The following USO1 variants were observed in gnomAD, a reference collection of about 807,000 sequenced individuals.
The protein encoded by USO1 is USO1 vesicle transport factor.
Under a neutral mutation model 124.5 loss-of-function variants are expected in USO1, and 57 were observed. The ratio of observed to expected loss-of-function variants is 0.46; its 90% CI spans 0.37 to 0.57. The LOEUF (loss-of-function observed/expected upper bound fraction) is 0.57. Among genes scored for constraint, USO1 ranks in the 20% least tolerant of loss-of-function variants. The probability of loss-of-function intolerance (pLI) is 0.00; values close to 1 mark genes in which losing one functional copy is unlikely to be tolerated. For synonymous variants in USO1, 369 were observed against 362.8 expected (o/e 1.02, Z -0.19); for missense variants, 900 against 1,040.6 (o/e 0.86, Z 1.86).
At chr4:75,728,257 G>A (rs1038656186) in intron 1 of USO1, among the ~76,000 whole-genome samples, 1 of 151,466 alleles carries the variant, frequency 6.6e-6, no homozygotes, top group East Asian at 1.9e-4. Flanking sequence ...TCTTTTAAAT[G>A]TGTGAGAGTT....
At chr4:75,728,652 A>C (rs1720535054) in intron 1 of USO1, among the ~76,000 whole-genome samples, 1 of 152,232 alleles carries the variant, frequency 6.6e-6, no homozygotes, top group Admixed American at 6.5e-5. Flanking sequence ...GACTGTCTCA[A>C]AAAGAAAGAT....
intron 9 of USO1, among the ~76,000 whole-genome samples, chr4:75,785,712 A>G (rs1722343416): frequency 1.3e-5 from 2 of 152,096 alleles, no homozygotes; most frequent in Non-Finnish European, 2.9e-5. Context: ...CTATTAGAGG[A>G]TAGTAGAAAA....
rs765348558 is a variant in USO1, at chr4:75,800,465, A to G, written c.1678A>G (p.Met560Val). The G allele has an allele frequency of 1.3e-6, 2 of 1,589,028 alleles. No individual in the cohort carries two copies. The highest frequency in any genetic ancestry group is 2.7e-5 in the African/African-American group (2 of 74,224). The part of the protein sequence containing the change: ...YFNDNSLESY[M>V]KEKLKQLIEK... Reference sequence around the variant, plus strand: ...CAATGATAACTCACTTGAGAGCTACATGAAGTAAGTAAGGGGAAGATGGTT... The same window carrying G: ...CAATGATAACTCACTTGAGAGCTACGTGAAGTAAGTAAGGGGAAGATGGTT... The change falls in exon 15 of 24, where the codon ATG becomes GTG. Residue 560 changes from methionine (M) to valine (V), a missense_variant. Around this residue, in one of 2 missense-constraint regions of USO1, gnomAD observed 538 missense variants for 681.6 expected, o/e 0.79. Transcript: ENST00000514213.
At chr4:75,799,473 CTT>C (rs1722779776) in intron 13 of USO1, 147 bp from the exon 14 acceptor site, 2 of 831,366 alleles carry the variant, frequency 2.4e-6, no homozygotes, top group Non-Finnish European at 3.6e-6. Flanking sequence ...AATTTATTCT[CTT>C]GTTTAGTTTT....
chr4:75,812,268 G>A lies in USO1; in HGVS notation c.2692G>A (p.Glu898Lys). The A allele has an allele frequency of 1.2e-6, 2 of 1,608,574 alleles. No individual in the cohort carries two copies. Among genetic ancestry groups the A allele is most frequent in the Non-Finnish European group, 1.7e-6 (2 of 1,177,362 alleles). Residue 898 changes from glutamate to lysine, a missense_variant, in exon 23 of 24, where the codon GAA (glutamate) becomes AAA (lysine). This residue lies in a region of USO1 where 362 missense variants were observed against 359.0 expected (regional missense o/e 1.01). Coordinates refer to ENST00000514213, the MANE Select transcript of USO1 (RefSeq NM_003715.4). Reference sequence around the variant, plus strand: ...AACTGAGAAAGACAAACTAGAGTTGGAAATTACAGATTCTAAAAAAGAACA... The same window carrying A: ...AACTGAGAAAGACAAACTAGAGTTGAAAATTACAGATTCTAAAAAAGAACA... Reference protein sequence around the residue: ...LQTEKDKLELEITDSKKEQDD... With the variant: ...LQTEKDKLELKITDSKKEQDD...
At chr4:75,788,180 T>TATTTATTTATTTA (rs747618322) in intron 10 of USO1, among the ~76,000 whole-genome samples, 2 of 148,046 alleles carry the variant, frequency 1.4e-5, no homozygotes, top group African/African-American at 4.9e-5. Flanking sequence ...TATTTTTTTT[T>TATTTATTTATTTA]TTTTTTGTAC....
chr4:75,788,266 C>A (rs1460101678), intron 10 of USO1, among the ~76,000 whole-genome samples: 1 of 148,344 alleles, frequency 6.7e-6, no homozygotes, highest in African/African-American at 2.5e-5. Context: ...CTTCCGGGTT[C>A]GAGCAATTCT....
intron 10 of USO1, among the ~76,000 whole-genome samples, chr4:75,788,734 G>A (rs1234593246): frequency 6.6e-6 from 1 of 151,682 alleles, no homozygotes; most frequent in Admixed American, 6.6e-5. Context: ...AGTAGAGACG[G>A]GGTTCCACCA....
Position 75,800,733 on chromosome 4 carries a change from A to G in USO1, c.1798A>G (p.Asn600Asp), listed in dbSNP as rs1288991723. 1.2e-6 allele frequency: 2 copies of G among 1,612,746 alleles called. No individual in the cohort carries two copies. The highest frequency in any genetic ancestry group is 2.7e-5 in the African/African-American group (2 of 74,894). The change falls in exon 16 of 24, where the codon AAC becomes GAC. Residue 600 changes from asparagine to aspartate, a missense_variant. By Grantham distance (23) the Asn-to-Asp change is conservative. Transcript: ENST00000514213. ...CAGAGCATCTCAGAAACCCCAGCCA[A>G]ACTTTCCCAGTCCAGAATACATGAT... ...YSRASQKPQP[N>D]FPSPEYMIFD...
At chr4:75,753,123 C>CT (rs1721336211) in intron 3 of USO1, among the ~76,000 whole-genome samples, 4 of 151,988 alleles carry the variant, frequency 2.6e-5, no homozygotes, top group Non-Finnish European at 5.9e-5. Context: ...ATGAGCCTGT[C>CT]GTAAGAGAAA....
At chr4:75,737,120 T>C (rs1720814695) in intron 1 of USO1, among the ~76,000 whole-genome samples, 1 of 152,306 alleles carries the variant, frequency 6.6e-6, no homozygotes, top group East Asian at 1.9e-4. Flanking sequence ...TTTAATGTAG[T>C]GGGAAAGCAC....
intron 19 of USO1, among the ~76,000 whole-genome samples, chr4:75,806,025 C>T (rs1042555554): frequency 6.6e-6 from 1 of 152,024 alleles, no homozygotes; most frequent in Non-Finnish European, 1.5e-5. Flanking sequence ...GAGTCTCGCT[C>T]TGTTAGCCCA....
At position 75,796,456 on chromosome 4, in the gene USO1, C is replaced by T. The variant is rs528029291; in HGVS notation, c.1452+2555C>T. The stretch of plus-strand genomic sequence containing the variant: ...GTTCAAGCGATTCTCCTGCCTCAGC[C>T]TCCTGAGTAGCTGGGATTACAGGTG... On this transcript the variant is annotated intron_variant, in intron 13 of 23. Coordinates refer to ENST00000514213, the MANE Select transcript of USO1 (RefSeq NM_003715.4). 1.5e-3 allele frequency among the ~76,000 whole-genome samples: 232 copies of T among 151,874 alleles called. 1 individual carries two copies. The highest frequency in any genetic ancestry group is 0.01 in the Middle Eastern group (3 of 294).
intron 4 of USO1, chr4:75,760,541 C>G: frequency 2.5e-6 from 1 of 395,956 alleles, no homozygotes; most frequent in Non-Finnish European, 4.5e-6. Context: ...CATTAAAAAA[C>G]TATTGTCTTT....
chr4:75,748,211 CTT>C (rs71208096), intron 1 of USO1, among the ~76,000 whole-genome samples: 34 of 124,110 alleles, frequency 2.7e-4, no homozygotes, highest in Admixed American at 3.5e-4. Context: ...GCTGGTATTT[CTT>C]TTTTTTTTTT....
intron 4 of USO1, 57 bp from the exon 5 acceptor site, chr4:75,770,382 G>A: frequency 6.9e-7 from 1 of 1,445,936 alleles, no homozygotes; most frequent in Non-Finnish European, 9.2e-7. Flanking sequence ...TTCAATGAAA[G>A]GATATTTTAA....
intron 17 of USO1, among the ~76,000 whole-genome samples, chr4:75,803,424 G>A (rs1413860584): frequency 1.3e-5 from 2 of 151,900 alleles, no homozygotes; most frequent in Non-Finnish European, 2.9e-5. Flanking sequence ...GAGACCGGTG[G>A]ATCACCTGAG....
intron 10 of USO1, among the ~76,000 whole-genome samples, chr4:75,789,128 G>C (rs942817246): frequency 1.3e-5 from 2 of 151,832 alleles, no homozygotes; most frequent in African/African-American, 4.8e-5. Flanking sequence ...GAAATTTACT[G>C]ATGATGTGCT....
intron 4 of USO1, among the ~76,000 whole-genome samples, chr4:75,759,072 TA>T (rs1216298659): frequency 6.6e-6 from 1 of 151,562 alleles, no homozygotes. Context: ...TTTCTGTTCT[TA>T]AAAAAAATGT....
Sources: gnomAD v4.1 joint callset for allele counts (sites outside exome capture counted in the v4.1 genomes callset) on GRCh38, gnomAD v4.1.1 for gene constraint, gnomAD v4.1.1 regional missense constraint, MANE v1.5 for transcripts, NCBI Gene and HGNC (gene_info 2026-07-23, HGNC 2026-07-21) for gene names.